The following TANC2 variants were observed in gnomAD, a reference collection of about 807,000 sequenced individuals.
TANC2 encodes the protein tetratricopeptide repeat, ankyrin repeat and coiled-coil containing 2, also known as protein TANC2.
A neutral mutation model predicts 210.5 loss-of-function variants in TANC2; 26 were observed. The ratio of observed to expected loss-of-function variants is 0.12; its 90% CI spans 0.09 to 0.17. The LOEUF is 0.17. Ranked by LOEUF, TANC2 falls within the 10% of genes least tolerant of loss-of-function variation. The pLI, the probability that TANC2 is intolerant of heterozygous loss-of-function variation, is 1.00. For missense variants in TANC2, 2,129 were observed against 2,608.9 expected, an observed-to-expected ratio of 0.82 and a Z score of 4.01; for synonymous variants, 931 against 967.1, an observed-to-expected ratio of 0.96 and a Z score of 0.69.
rs572541208 is a variant in TANC2 at position 63,114,108 on chromosome 17, A to G, written c.322+14751A>G. On this transcript the variant is annotated intron_variant, in intron 4 of 27. Transcript: ENST00000689528. ...CAGTATGCCCTTTTATGCCCTGCTTATCAATAAAAACATTCTGAAAGAACC... is the reference window on the plus strand; with the variant it reads ...CAGTATGCCCTTTTATGCCCTGCTTGTCAATAAAAACATTCTGAAAGAACC... 9.2e-5 allele frequency among the ~76,000 whole-genome samples: 14 copies of G among 152,328 alleles called. No individual in the cohort carries two copies. In the South Asian group the frequency reaches 2.9e-3, roughly 32 times the overall value.
chr17:63,163,476 A>G (rs2040098402), intron 5 of TANC2, among the ~76,000 whole-genome samples: 2 of 152,200 alleles, frequency 1.3e-5, no homozygotes, highest in South Asian at 2.1e-4. Flanking sequence ...GTCTAGGGAA[A>G]CTACAAGAAG....
chr17:63,220,791 T>C (rs1598635031), intron 7 of TANC2, among the ~76,000 whole-genome samples: 1 of 147,678 alleles, frequency 6.8e-6, no homozygotes, highest in Middle Eastern at 3.6e-3. Context: ...TATGTGTATA[T>C]ATGTATATAT....
chr17:63,221,741 C>T (rs1430411782), intron 7 of TANC2, among the ~76,000 whole-genome samples: 1 of 152,160 alleles, frequency 6.6e-6, no homozygotes, highest in African/African-American at 2.4e-5. Context: ...GTCTAAAACT[C>T]AATACCAAAG....
chr17:63,187,585 G>A (rs1251504781), intron 5 of TANC2, among the ~76,000 whole-genome samples: 2 of 151,884 alleles, frequency 1.3e-5, no homozygotes, highest in East Asian at 3.9e-4. Flanking sequence ...GTGTGTTTGT[G>A]TATATACAGA....
chr17:63,078,895 A>G (rs1053961737), intron 3 of TANC2, among the ~76,000 whole-genome samples: 2 of 152,154 alleles, frequency 1.3e-5, no homozygotes, highest in Admixed American at 6.6e-5. Context: ...ATAAATGTCA[A>G]CCTGATCACG....
intron 1 of TANC2, among the ~76,000 whole-genome samples, chr17:62,994,569 A>G (rs2033021688): frequency 6.6e-6 from 1 of 152,130 alleles, no homozygotes; most frequent in Non-Finnish European, 1.5e-5. Context: ...TAATCATGAA[A>G]GGGTGTTGCC....
At chr17:63,041,022 T>C (rs1231999114) in intron 2 of TANC2, among the ~76,000 whole-genome samples, 1 of 152,234 alleles carries the variant, frequency 6.6e-6, no homozygotes, top group Admixed American at 6.5e-5. Flanking sequence ...TTAACAACTG[T>C]ATGGCTGGCT....
intron 2 of TANC2, among the ~76,000 whole-genome samples, chr17:63,067,838 A>G (rs144167702): frequency 4.5e-4 from 69 of 152,294 alleles, no homozygotes; most frequent in African/African-American, 1.7e-3. Flanking sequence ...GAAGATCTAG[A>G]TTCATAACAT....
chr17:63,221,004 A>G (rs1017924280), intron 7 of TANC2, among the ~76,000 whole-genome samples: 14 of 152,066 alleles, frequency 9.2e-5, no homozygotes, highest in African/African-American at 3.1e-4. Flanking sequence ...GCAAGAAGAA[A>G]TAATAGATTT....
At chr17:63,332,269 C>A in intron 11 of TANC2, 1 of 331,970 alleles carries the variant, frequency 3.0e-6, no homozygotes. Context: ...TATTTGACCC[C>A]TTCCACCTCT....
chr17:63,031,397 G>T (rs1315271095), intron 2 of TANC2, among the ~76,000 whole-genome samples: 1 of 152,030 alleles, frequency 6.6e-6, no homozygotes, highest in Non-Finnish European at 1.5e-5. Context: ...AAGAAAAAAT[G>T]ATTTTTTTCA....
exon 13 of TANC2, chr17:63,351,390 A>C (rs766809764): frequency 1.2e-6 from 2 of 1,609,098 alleles, no homozygotes; most frequent in Non-Finnish European, 1.7e-6. Flanking sequence ...GCTCAAACTA[A>C]TTGTAACAGT....
intron 11 of TANC2, 52 bp from the exon 12 acceptor site, chr17:63,340,049 T>A: frequency 7.7e-7 from 1 of 1,298,666 alleles, no homozygotes; most frequent in Non-Finnish European, 1.1e-6. Context: ...TAATCATAGC[T>A]ATTGCTCTTA....
At chr17:63,079,205 T>C (rs1485473775) in intron 3 of TANC2, among the ~76,000 whole-genome samples, 2 of 152,132 alleles carry the variant, frequency 1.3e-5, no homozygotes, top group Admixed American at 6.5e-5. Context: ...CGCAGTCCCA[T>C]ATAGAGGCCC....
Position 63,210,260 on chromosome 17 carries a change from C to A in TANC2, c.769+9303C>A, listed in dbSNP as rs557616838. The stretch of plus-strand genomic sequence containing the variant: ...GGATGACTCTCTCTGTTCCTTGACT[C>A]CTATTTCGTATTTCGAGCTCTGATT... On this transcript the variant is annotated intron_variant, in intron 7 of 27. Coordinates refer to ENST00000689528, the Ensembl canonical transcript of TANC2. Among the ~76,000 whole-genome samples the A allele has an allele frequency of 3.9e-5, 6 of 152,298 alleles. No homozygotes were observed. In the South Asian group the frequency reaches 1.2e-3, roughly 32 times the overall value.
chr17:63,405,020 G>A, intron 19 of TANC2, 102 bp from the exon 20 acceptor site: 2 of 1,291,136 alleles, frequency 1.5e-6, no homozygotes, highest in African/African-American at 2.9e-5. Flanking sequence ...TAGAAGTAAA[G>A]TAGCAATTAC....
intron 9 of TANC2, among the ~76,000 whole-genome samples, chr17:63,273,751 C>T (rs139419668): frequency 0.015 from 2,315 of 152,294 alleles, 57 homozygotes; most frequent in African/African-American, 0.052. Context: ...TTGCAGTAGG[C>T]GAGCTTAGTG....
intron 14 of TANC2, among the ~76,000 whole-genome samples, chr17:63,362,698 A>G (rs1033318945): frequency 6.6e-6 from 1 of 152,226 alleles, no homozygotes; most frequent in Non-Finnish European, 1.5e-5. Context: ...AACAGTGCCC[A>G]GCTTCAGCCT....
chr17:62,979,862 T>A (rs182034421), intron 1 of TANC2, among the ~76,000 whole-genome samples: 128 of 152,326 alleles, frequency 8.4e-4, no homozygotes, highest in African/African-American at 3.0e-3. Flanking sequence ...CAGTGAGTCG[T>A]GTTAGCACCA....
Sources: gnomAD v4.1 joint callset for allele counts (sites outside exome capture counted in the v4.1 genomes callset) on GRCh38, gnomAD v4.1.1 for gene constraint, MANE v1.5 for transcripts, NCBI Gene and HGNC (gene_info 2026-07-23, HGNC 2026-07-21) for gene names.